The following PPFIBP2 variants were observed in gnomAD, a reference collection of about 807,000 sequenced individuals.
The protein encoded by PPFIBP2 is liprin-beta-2.
A neutral mutation model predicts 118.3 loss-of-function variants in PPFIBP2; 118 were observed. The ratio of observed to expected loss-of-function variants is 1.00; its 90% CI spans 0.86 to 1.16. The LOEUF (loss-of-function observed/expected upper bound fraction) is 1.16, where lower values mean the gene tolerates loss of function less well. Ranked by LOEUF, PPFIBP2 falls within the 50% of genes most tolerant of loss-of-function variation. The pLI, the probability that PPFIBP2 is intolerant of heterozygous loss-of-function variation, is 0.00. For synonymous variants in PPFIBP2, 414 were observed against 397.4 expected, an observed-to-expected ratio of 1.04 and a Z score of -0.50; for missense variants, 1,195 against 1,073.1, an observed-to-expected ratio of 1.11 and a Z score of -1.59.
At chr11:7,526,521 T>G (rs981532506) in intron 1 of PPFIBP2, among the ~76,000 whole-genome samples, 2 of 152,142 alleles carry the variant, frequency 1.3e-5, no homozygotes, top group African/African-American at 4.8e-5. Flanking sequence ...AGAAATGACT[T>G]GCAGCAGATG....
chr11:7,581,095 G>A (rs1161117606), intron 3 of PPFIBP2, among the ~76,000 whole-genome samples: 4 of 152,242 alleles, frequency 2.6e-5, no homozygotes, highest in African/African-American at 4.8e-5. Flanking sequence ...TGGTTGCTGA[G>A]TGAAGGCTGA....
At chr11:7,610,805 G>A (rs1441249961) in intron 6 of PPFIBP2, among the ~76,000 whole-genome samples, 2 of 152,240 alleles carry the variant, frequency 1.3e-5, no homozygotes, top group Non-Finnish European at 2.9e-5. Flanking sequence ...GATCCAAGGA[G>A]TCTGGAAACG....
chr11:7,578,835 G>A (rs1372870356), intron 3 of PPFIBP2, among the ~76,000 whole-genome samples: 2 of 152,142 alleles, frequency 1.3e-5, no homozygotes, highest in African/African-American at 4.8e-5. Flanking sequence ...GGGCATAGGG[G>A]ATGATGTATA....
Position 7,548,152 on chromosome 11 carries a change from A to T in PPFIBP2, c.-36-1288A>T, listed in dbSNP as rs140340600. Among the ~76,000 whole-genome samples, 57 of 152,312 alleles carry T rather than the reference A, an allele frequency of 3.7e-4. No homozygotes were observed. In the East Asian group the frequency reaches 8.5e-3, roughly 23 times the overall value. ...CAGATGAGGAAACTGAGGCTCAGAG[A>T]TCACACAGTACATAGCAGAGCTGGG... On this transcript the variant is annotated intron_variant, in intron 1 of 23. Transcript: ENST00000299492.
At chr11:7,571,215 C>A (rs1041873602) in intron 3 of PPFIBP2, among the ~76,000 whole-genome samples, 1 of 152,238 alleles carries the variant, frequency 6.6e-6, no homozygotes, top group African/African-American at 2.4e-5. Flanking sequence ...AACTAGTTTC[C>A]CAAGAAACAA....
intron 1 of PPFIBP2, among the ~76,000 whole-genome samples, chr11:7,532,178 T>G (rs956502308): frequency 2.2e-4 from 33 of 152,222 alleles, no homozygotes; most frequent in African/African-American, 8.0e-4. Flanking sequence ...TCTCCCTTTG[T>G]CTTCACATGG....
chr11:7,583,677 A>G (rs780306386), intron 3 of PPFIBP2, among the ~76,000 whole-genome samples: 154 of 131,382 alleles, frequency 1.2e-3, no homozygotes, highest in Non-Finnish European at 8.3e-4. Context: ...AATTTTGGGG[A>G]AAAAAAAAAT....
At chr11:7,598,733 C>A (rs967211400) in intron 5 of PPFIBP2, among the ~76,000 whole-genome samples, 1 of 152,012 alleles carries the variant, frequency 6.6e-6, no homozygotes, top group Middle Eastern at 3.2e-3. Context: ...TCCAAAAGCG[C>A]TAGCATTTTT....
intron 11 of PPFIBP2, chr11:7,632,354 T>A (rs562531742): frequency 6.3e-6 from 1 of 157,838 alleles, no homozygotes; most frequent in East Asian, 1.8e-4. Context: ...TACTTGTCTG[T>A]CTCCCAGATG....
At position 7,592,234 on chromosome 11, in the gene PPFIBP2, T is replaced by C. The variant is rs549387776; in HGVS notation, c.280-898T>C. Among the ~76,000 whole-genome samples the C allele has an allele frequency of 2.6e-5, 4 of 152,220 alleles. No individual in the cohort carries two copies. The South Asian group carries it at 6.2e-4, about 24-fold the overall frequency. ...TCCATTTGCATGGAGGAAGGAGGTGTTGGGGCCAGCTTGGTGACATTAGCT... is the reference window on the plus strand; with the variant it reads ...TCCATTTGCATGGAGGAAGGAGGTGCTGGGGCCAGCTTGGTGACATTAGCT... On this transcript the variant is annotated intron_variant, in intron 3 of 23. Coordinates refer to ENST00000299492, the MANE Select transcript of PPFIBP2 (RefSeq NM_003621.5).
At position 7,629,498 on chromosome 11, in the gene PPFIBP2, T is replaced by C; in HGVS notation, c.928T>C (p.Tyr310His). 1 of 1,614,118 alleles carries C rather than the reference T, an allele frequency of 6.2e-7. No homozygotes were observed. The highest frequency in any genetic ancestry group is 2.2e-5 in the East Asian group (1 of 44,872). The change falls in exon 10 of 24, where the codon TAC becomes CAC. Residue 310 changes from tyrosine (Y) to histidine (H), a missense_variant. Transcript: ENST00000299492. ...IEELTGLLNQ[Y>H]RKVKEIVMVT... ...GGAGCTTACGGGGCTGTTAAACCAG[T>C]ACCGGAAGGTAAAGGAGATTGTGAT...
At chr11:7,582,830 C>G (rs1043340730) in intron 3 of PPFIBP2, among the ~76,000 whole-genome samples, 1 of 152,178 alleles carries the variant, frequency 6.6e-6, no homozygotes, top group African/African-American at 2.4e-5. Context: ...AGTCCCTTCT[C>G]TCAGCCAAGG....
chr11:7,549,643 C>A, intron 2 of PPFIBP2, 104 bp downstream of exon 2: 1 of 1,162,756 alleles, frequency 8.6e-7, no homozygotes, highest in South Asian at 1.7e-5. Context: ...AGAAAATCCC[C>A]TTTTGTTATA....
intron 1 of PPFIBP2, among the ~76,000 whole-genome samples, chr11:7,531,779 G>A (rs931997003): frequency 1.3e-5 from 2 of 152,114 alleles, no homozygotes; most frequent in Admixed American, 6.5e-5. Flanking sequence ...AGATCAGGGT[G>A]TTGGCAGGGT....
chr11:7,651,821 C>A lies in PPFIBP2; in HGVS notation c.2413C>A (p.Leu805Met), dbSNP rs371546262. The stretch of plus-strand genomic sequence containing the variant: ...AATGGCCTCACCAGCTTACACACCA[C>A]TGACCACCACAGCCAAAGTCCGGGT... Reference protein sequence around the residue: ...EKMASPAYTPLTTTAKVRPRK... With the variant: ...EKMASPAYTPMTTTAKVRPRK... Residue 805 changes from leucine to methionine, a missense_variant, in exon 23 of 24, where the codon CTG (leucine) becomes ATG (methionine). Physicochemically the swap from Leu to Met is conservative, Grantham distance 15 (BLOSUM62 2). Coordinates refer to ENST00000299492, the MANE Select transcript of PPFIBP2 (RefSeq NM_003621.5). 5 of 1,612,178 alleles carry A rather than the reference C, an allele frequency of 3.1e-6. No homozygotes were observed. Among genetic ancestry groups the A allele is most frequent in the Non-Finnish European group, 4.2e-6 (5 of 1,178,416 alleles).
intron 1 of PPFIBP2, among the ~76,000 whole-genome samples, chr11:7,531,072 G>A (rs1463711129): frequency 6.6e-6 from 1 of 152,090 alleles, no homozygotes; most frequent in Non-Finnish European, 1.5e-5. Flanking sequence ...AACCACTTGG[G>A]CCTGCAGGGA....
chr11:7,541,381 G>A (rs1185218737), intron 1 of PPFIBP2, among the ~76,000 whole-genome samples: 1 of 152,196 alleles, frequency 6.6e-6, no homozygotes, highest in African/African-American at 2.4e-5. Context: ...GGACAGGTGA[G>A]GCTGTGTGAG....
the PPFIBP2 span, among the ~76,000 whole-genome samples, chr11:7,664,157 G>A: frequency 0.21 from 32,032 of 152,102 alleles, 3,591 homozygotes; most frequent in African/African-American, 0.28. Context: ...CTATTCGGCC[G>A]TCTTGGCTCC....
rs189230673 is a variant in PPFIBP2, at chr11:7,536,220, C to T, written c.-36-13220C>T. ...GTCCAACCCCAGCCTGGGCTTTTAA[C>T]CCCACCCTAGACCGCCTCTTAAGGA... On this transcript the variant is annotated intron_variant, in intron 1 of 23. Transcript: ENST00000299492. 7.7e-4 allele frequency among the ~76,000 whole-genome samples: 118 copies of T among 152,278 alleles called. 1 individual carries two copies. The highest frequency in any genetic ancestry group is 6.6e-3 in the South Asian group (32 of 4,822).
Sources: gnomAD v4.1 joint callset for allele counts (sites outside exome capture counted in the v4.1 genomes callset) on GRCh38, gnomAD v4.1.1 for gene constraint, MANE v1.5 for transcripts, NCBI Gene and HGNC (gene_info 2026-07-23, HGNC 2026-07-21) for gene names.